KRT6A: variants seen among roughly 807,000 people sequenced by gnomAD.
The protein encoded by KRT6A is keratin, type II cytoskeletal 6A.
KRT6A carries 28 observed loss-of-function variants against 48.6 expected under a neutral mutation model. The observed-to-expected ratio is 0.58, with a 90% CI of 0.43 to 0.79. The LOEUF (loss-of-function observed/expected upper bound fraction) is 0.79, where lower values mean the gene tolerates loss of function less well. Ranked by LOEUF, KRT6A falls within the 30% of genes least tolerant of loss-of-function variation. The pLI, the probability that KRT6A is intolerant of heterozygous loss-of-function variation, is 0.00. For missense variants in KRT6A, 687 were observed against 724.3 expected (o/e 0.95, Z 0.59); for synonymous variants, 301 against 294.2 (o/e 1.02, Z -0.24).
chr12:52,487,662 G>A lies in KRT6A; in HGVS notation c.*58C>T. The A allele has an allele frequency of 6.2e-7, 1 of 1,610,646 alleles. No individual in the cohort carries two copies. Among genetic ancestry groups the A allele is most frequent in the Non-Finnish European group, 8.5e-7 (1 of 1,177,336 alleles). Reference sequence around the variant, plus strand: ...GAGAGGAAAGGCAACCTGAGGAGAGGGCTCTGCAGCCAGAGAGGGGCCTGA... The same window carrying A: ...GAGAGGAAAGGCAACCTGAGGAGAGAGCTCTGCAGCCAGAGAGGGGCCTGA... On this transcript the variant is annotated 3_prime_UTR_variant, in exon 9 of 9. Coordinates refer to ENST00000330722, the MANE Select transcript of KRT6A (RefSeq NM_005554.4).
At position 52,487,916 on chromosome 12, in the gene KRT6A, G is replaced by T; in HGVS notation, c.1499C>A (p.Ala500Asp). The T allele has an allele frequency of 6.2e-7, 1 of 1,614,080 alleles. No individual in the cohort carries two copies. ...GCCTAAGCCACTGCCGACACCACTG[G>T]CACCGCCATAGCCACTGGAGACGGT... Reference protein sequence around the residue: ...QSTVSSGYGGASGVGSGLGLG... With the variant: ...QSTVSSGYGGDSGVGSGLGLG... Residue 500 changes from alanine to aspartate, a missense_variant, in exon 9 of 9, where the codon GCC becomes GAC. By Grantham distance (126) the Ala-to-Asp change is moderately radical. Transcript: ENST00000330722.
At position 52,488,347 on chromosome 12, in the gene KRT6A, G is replaced by A. The variant is rs779201808; in HGVS notation, c.1405C>T (p.Leu469=). The A allele has an allele frequency of 6.2e-7, 1 of 1,614,128 alleles. No individual in the cohort carries two copies. Among genetic ancestry groups the A allele is most frequent in the South Asian group, 1.1e-5 (1 of 91,060 alleles). Residue 469 remains leucine, a synonymous_variant, in exon 7 of 9, where the codon CTG becomes TTG. Transcript: ENST00000330722. ...DVEIATYRKL[L]EGEECRLNGE... is the part of the protein sequence containing the mutation. ...ACCCACCTGCACTCCTCACCCTCCA[G>A]CAGCTTGCGGTAGGTGGCGATCTCC...
At position 52,491,509 on chromosome 12, in the gene KRT6A, C is replaced by T. The variant is rs762678153; in HGVS notation, c.755+13G>A. On this transcript the variant is annotated intron_variant, in intron 2 of 8. Coordinates refer to ENST00000330722, the MANE Select transcript of KRT6A (RefSeq NM_005554.4). Reference sequence around the variant, plus strand: ...CTGCAGGAAACTGAGTCCATTTCTCCTGTTTAACTCACTTGTTCTTGAAGT... The same window carrying T: ...CTGCAGGAAACTGAGTCCATTTCTCTTGTTTAACTCACTTGTTCTTGAAGT... The T allele has an allele frequency of 3.1e-6, 5 of 1,613,970 alleles. No individual in the cohort carries two copies. Among genetic ancestry groups the T allele is most frequent in the Non-Finnish European group, 8.5e-7 (1 of 1,179,860 alleles).
rs769828086 is a variant in KRT6A, at chr12:52,487,950, C to T, written c.1465G>A (p.Val489Met). 6.2e-7 allele frequency: 1 copy of T among 1,614,146 alleles called. No homozygotes were observed. The highest frequency in any genetic ancestry group is 1.1e-5 in the South Asian group (1 of 91,084). The change falls in exon 9 of 9, where the codon GTG becomes ATG. Residue 489 changes from valine to methionine, a missense_variant. Coordinates refer to ENST00000330722, the MANE Select transcript of KRT6A (RefSeq NM_005554.4). ...EGVGQVNISV[V>M]QSTVSSGYGG... ...TAGCCACTGGAGACGGTGGACTGCA[C>T]CACAGCTGTGATGGGGAGGGGACAA...
rs1339103434 is a variant in KRT6A, at chr12:52,492,844, T to A, written c.345A>T (p.Gly115=). 12 of 1,608,266 alleles carry A rather than the reference T, an allele frequency of 7.5e-6. 1 individual carries two copies. In the African/African-American group the frequency reaches 8.2e-5, roughly 11 times the overall value. ...GAGIGFGLGG[G]AGLAGGFGGP... ...CCCCAAAGCCACCAGCAAGGCCGGC[T>A]CCACCACCCAGACCAAAGCCAATGC... The change falls in exon 1 of 9, where the codon GGA becomes GGT. Residue 115 remains glycine (G), a synonymous_variant. Coordinates refer to ENST00000330722, the MANE Select transcript of KRT6A (RefSeq NM_005554.4).
chr12:52,490,610 G>A lies in KRT6A; in HGVS notation c.1036C>T (p.Gln346Ter). ...GACTCAGCCTCAGCCCGGCTTCTCT[G>A]AGCAATCTCCTCATATTGGGCCTTG... ...EVKAQYEEIAQRSRAEAESWY... is the reference protein window; with the variant it reads ...EVKAQYEEIA The change falls in exon 5 of 9, where the codon CAG becomes TAG. Residue 346 changes from glutamine (Q) to a stop codon, truncating the protein, a stop_gained. Transcript: ENST00000330722. LOFTEE classifies it high-confidence loss of function. 6.2e-7 allele frequency: 1 copy of A among 1,614,158 alleles called. No individual in the cohort carries two copies. The highest frequency in any genetic ancestry group is 8.5e-7 in the Non-Finnish European group (1 of 1,180,028).
rs773698589 is a variant in KRT6A, at chr12:52,488,104, C to G, written c.1425-1G>C. The G allele has an allele frequency of 1.1e-5, 18 of 1,613,996 alleles. No individual in the cohort carries two copies. The highest frequency in any genetic ancestry group is 1.4e-5 in the Non-Finnish European group (17 of 1,179,876). ...TTGTCCAACGCCTTCGCCATTCAGC[C>G]TGTGGAGAGGAACACAGGGAGGGTG... On this transcript the variant is annotated splice_acceptor_variant, in intron 7 of 8. Coordinates refer to ENST00000330722, the MANE Select transcript of KRT6A (RefSeq NM_005554.4). LOFTEE classifies it high-confidence loss of function.
chr12:52,492,542 G>A, intron 1 of KRT6A, 107 bp downstream of exon 1: 2 of 1,595,072 alleles, frequency 1.3e-6, no homozygotes, highest in South Asian at 1.1e-5. Flanking sequence ...TGCAGAGCTG[G>A]GCTGAGTCCT....
At chr12:52,489,563 G>A (rs1043938704) in intron 6 of KRT6A, among the ~76,000 whole-genome samples, 5 of 152,214 alleles carry the variant, frequency 3.3e-5, no homozygotes, top group African/African-American at 1.2e-4. Flanking sequence ...ACAGGCATGA[G>A]CCACTGGACA....
chr12:52,488,304 A>G (rs531940380), intron 7 of KRT6A, 24 bp downstream of exon 7: 12 of 1,614,124 alleles, frequency 7.4e-6, no homozygotes, highest in Admixed American at 1.7e-5. Flanking sequence ...TCAGCTGTTG[A>G]AGGAGTTCGT....
rs373275681 is a variant in KRT6A at position 52,488,325 on chromosome 12, C to A, written c.1424+3G>T. On this transcript the variant is annotated splice_donor_region_variant and intron_variant, in intron 7 of 8. Coordinates refer to ENST00000330722, the MANE Select transcript of KRT6A (RefSeq NM_005554.4). Reference sequence around the variant, plus strand: ...GTTGAAGGAGTTCGTGTCAGTTACCCACCTGCACTCCTCACCCTCCAGCAG... The same window carrying A: ...GTTGAAGGAGTTCGTGTCAGTTACCAACCTGCACTCCTCACCCTCCAGCAG... The A allele has an allele frequency of 6.2e-7, 1 of 1,614,178 alleles. No individual in the cohort carries two copies. The highest frequency in any genetic ancestry group is 1.7e-5 in the Admixed American group (1 of 60,024).
chr12:52,488,271 T>C, intron 7 of KRT6A, 57 bp downstream of exon 7: 1 of 1,614,044 alleles, frequency 6.2e-7, no homozygotes. Context: ...TTGTGCTCAG[T>C]GCCAGGAACC....
intron 5 of KRT6A, chr12:52,490,335 T>C: frequency 1.1e-6 from 1 of 918,936 alleles, no homozygotes; most frequent in Non-Finnish European, 1.7e-6. Context: ...AGGGTGAAGC[T>C]AAATGCAGAG....
intron 6 of KRT6A, among the ~76,000 whole-genome samples, chr12:52,489,702 C>A (rs1188647160): frequency 6.6e-6 from 1 of 152,152 alleles, no homozygotes; most frequent in Admixed American, 6.5e-5. Context: ...ACTGGACACT[C>A]CTGCTCTAAA....
At chr12:52,491,844 A>G (rs924731872) in intron 1 of KRT6A, 108 bp from the exon 2 acceptor site, 2 of 1,406,380 alleles carry the variant, frequency 1.4e-6, no homozygotes, top group African/African-American at 2.8e-5. Context: ...CTGGGCTACT[A>G]CAGTGCATGT....
chr12:52,489,255 C>T (rs1193387360), intron 6 of KRT6A, among the ~76,000 whole-genome samples: 2 of 149,712 alleles, frequency 1.3e-5, no homozygotes, highest in African/African-American at 2.5e-5. Context: ...CTTAAACTTT[C>T]TGAATACATT....
intron 1 of KRT6A, 21 bp from the exon 2 acceptor site, chr12:52,491,757 T>C (rs750547000): frequency 1.2e-6 from 2 of 1,614,066 alleles, no homozygotes; most frequent in Non-Finnish European, 1.7e-6. Context: ...GACAAGATGA[T>C]CATTTTCCAG....
In KRT6A at chr12:52,488,374, C is replaced by G; in HGVS notation, c.1378G>C (p.Val460Leu). ...AGCTTGCGGTAGGTGGCGATCTCCA[C>G]GTCCAGGGCCAGCTTGACATTCATC... ...ELMNVKLALDVEIATYRKLLE... is the reference protein window; with the variant it reads ...ELMNVKLALDLEIATYRKLLE... The change falls in exon 7 of 9, where the codon GTG (valine) becomes CTG (leucine). Residue 460 changes from valine (V) to leucine (L), a missense_variant. Val to Leu is a conservative substitution (Grantham distance 32). This residue lies in a region of KRT6A where 566 missense variants were observed against 565.3 expected (regional missense o/e 1.00). Coordinates refer to ENST00000330722, the MANE Select transcript of KRT6A (RefSeq NM_005554.4). The G allele has an allele frequency of 6.2e-7, 1 of 1,614,174 alleles. No individual in the cohort carries two copies. The highest frequency in any genetic ancestry group is 8.5e-7 in the Non-Finnish European group (1 of 1,180,036).
Position 52,493,254 on chromosome 12 carries a change from G to T in KRT6A, c.-66C>A. 1 of 1,610,980 alleles carries T rather than the reference G, an allele frequency of 6.2e-7. No individual in the cohort carries two copies. Among genetic ancestry groups the T allele is most frequent in the East Asian group, 2.2e-5 (1 of 44,852 alleles). ...TGGAGGAGAGAGGGAAGAGAAGCAG[G>T]ACTAGGAATCAGGCTCGGGGCAGCA... On this transcript the variant is annotated 5_prime_UTR_variant, in exon 1 of 9. Transcript: ENST00000330722.
Sources: allele counts gnomAD v4.1 joint callset (sites outside exome capture counted in the v4.1 genomes callset), GRCh38; gene constraint gnomAD v4.1.1; regional missense constraint gnomAD v4.1.1; transcripts MANE v1.5; gene names NCBI Gene and HGNC (gene_info 2026-07-23, HGNC 2026-07-21).